Variants in GRID2 observed in about 807,000 individuals in gnomAD.
The protein encoded by GRID2 is glutamate receptor ionotropic, delta-2.
GRID2 carries 33 observed loss-of-function variants against 114.8 expected under a neutral mutation model. The ratio of observed to expected loss-of-function variants is 0.29; its 90% CI spans 0.22 to 0.38. The LOEUF (loss-of-function observed/expected upper bound fraction) is 0.38, where lower values mean the gene tolerates loss of function less well. GRID2 is among the 10% of genes least tolerant of loss of function. The pLI, the probability that GRID2 is intolerant of heterozygous loss-of-function variation, is 1.00. For synonymous variants in GRID2, 505 were observed against 449.9 expected (o/e 1.12, Z -1.55); for missense variants, 1,184 against 1,257.7 (o/e 0.94, Z 0.89).
At chr4:93,160,058 T>G (rs1382840021) in intron 4 of GRID2, among the ~76,000 whole-genome samples, 1 of 151,802 alleles carries the variant, frequency 6.6e-6, no homozygotes, top group Non-Finnish European at 1.5e-5. Context: ...TATCTGTAAC[T>G]CAAAGGATAT....
chr4:92,566,418 G>A (rs1727338890), intron 1 of GRID2, among the ~76,000 whole-genome samples: 4 of 151,912 alleles, frequency 2.6e-5, no homozygotes, highest in Admixed American at 2.6e-4. Context: ...TTTGTTGACA[G>A]CATATCCAAT....
At position 93,572,900 on chromosome 4, in the gene GRID2, T is replaced by C. The variant is rs1736062893; in HGVS notation, c.2194-53369T>C. 1.3e-5 allele frequency among the ~76,000 whole-genome samples: 2 copies of C among 152,126 alleles called. 1 individual carries two copies. Among genetic ancestry groups the C allele is most frequent in the Admixed American group, 1.3e-4 (2 of 15,260 alleles). ...CTCACTTATTTTCTCAGGTCTGTAT[T>C]ATTGTACATATTTTAAAGAAGTGTG... On this transcript the variant is annotated intron_variant, in intron 13 of 15. Coordinates refer to ENST00000282020, the MANE Select transcript of GRID2 (RefSeq NM_001510.4).
chr4:93,110,462 A>G (rs558833168), intron 3 of GRID2, among the ~76,000 whole-genome samples: 11 of 152,256 alleles, frequency 7.2e-5, no homozygotes, highest in African/African-American at 2.6e-4. Flanking sequence ...CTCTCCAACC[A>G]TCTCCGTGCA....
At chr4:93,716,840 C>G (rs1367170294) in intron 14 of GRID2, among the ~76,000 whole-genome samples, 1 of 151,988 alleles carries the variant, frequency 6.6e-6, no homozygotes, top group Non-Finnish European at 1.5e-5. Flanking sequence ...TTAATATACA[C>G]AACAGAACTT....
At chr4:92,320,575 A>G (rs1263438010) in intron 1 of GRID2, among the ~76,000 whole-genome samples, 1 of 151,952 alleles carries the variant, frequency 6.6e-6, no homozygotes, top group Admixed American at 6.6e-5. Context: ...CCCAGGTTCC[A>G]GTGATTCTCT....
intron 2 of GRID2, among the ~76,000 whole-genome samples, chr4:92,972,098 T>A (rs1232659122): frequency 6.6e-6 from 1 of 152,054 alleles, no homozygotes; most frequent in African/African-American, 2.4e-5. Flanking sequence ...TACTTTTAGT[T>A]TTTTTTTCTC....
chr4:92,762,811 G>T (rs1476251219), intron 2 of GRID2, among the ~76,000 whole-genome samples: 1 of 152,112 alleles, frequency 6.6e-6, no homozygotes, highest in African/African-American at 2.4e-5. Flanking sequence ...TGATGTTGTG[G>T]CATCTTTCCC....
intron 4 of GRID2, among the ~76,000 whole-genome samples, chr4:93,157,410 T>G (rs112822653): frequency 0.063 from 9,626 of 151,744 alleles, 862 homozygotes; most frequent in African/African-American, 0.2. Context: ...TTTAAAATAT[T>G]ATTAATTTTA....
intron 2 of GRID2, among the ~76,000 whole-genome samples, chr4:92,866,247 T>G (rs184909282): frequency 6.6e-6 from 1 of 152,278 alleles, no homozygotes; most frequent in Admixed American, 6.5e-5. Context: ...TGGCCTTACT[T>G]GTTGCCTCTC....
At chr4:93,076,710 C>T (rs1021887382) in intron 2 of GRID2, among the ~76,000 whole-genome samples, 15 of 148,664 alleles carry the variant, frequency 1.0e-4, no homozygotes, top group African/African-American at 3.2e-4. Flanking sequence ...CTCAGCCTCC[C>T]GGGTTCAAGC....
At chr4:93,423,336 C>CTTTTTTTTTTTTTT (rs554663844) in intron 10 of GRID2, among the ~76,000 whole-genome samples, 20 of 73,570 alleles carry the variant, frequency 2.7e-4, no homozygotes, top group Non-Finnish European at 3.7e-4. Flanking sequence ...TTTTTTCTTT[C>CTTTTTTTTTTTTTT]TTTTTTTTTT....
intron 13 of GRID2, among the ~76,000 whole-genome samples, chr4:93,578,742 C>T (rs1388814507): frequency 5.9e-5 from 9 of 151,724 alleles, no homozygotes; most frequent in East Asian, 1.9e-4. Context: ...TACAGGCGTC[C>T]GCCACCACGC....
intron 1 of GRID2, among the ~76,000 whole-genome samples, chr4:92,382,259 A>G (rs1161872906): frequency 6.6e-6 from 1 of 152,058 alleles, no homozygotes; most frequent in Non-Finnish European, 1.5e-5. Flanking sequence ...AAATATAGAT[A>G]TAGCTATATC....
Position 93,424,575 on chromosome 4 carries a change from G to C in GRID2, c.1545+1607G>C, listed in dbSNP as rs115404451. 1.0e-3 allele frequency among the ~76,000 whole-genome samples: 153 copies of C among 151,930 alleles called. 1 individual carries two copies. Among genetic ancestry groups the C allele is most frequent in the African/African-American group, 3.6e-3 (150 of 41,454 alleles). On this transcript the variant is annotated intron_variant, in intron 10 of 15. Transcript: ENST00000282020. The stretch of plus-strand genomic sequence containing the variant: ...TCTGTATCCTGATTCTTTATATGTA[G>C]TATATTTTTGTATGTGTTAGTGGCC...
chr4:92,610,768 TA>T (rs1409744402), intron 2 of GRID2, among the ~76,000 whole-genome samples: 1 of 151,714 alleles, frequency 6.6e-6, no homozygotes, highest in Non-Finnish European at 1.5e-5. Flanking sequence ...GAATTGTTTC[TA>T]TAGATTAGCC....
At chr4:93,135,014 G>A (rs1008531657) in intron 4 of GRID2, among the ~76,000 whole-genome samples, 1 of 152,020 alleles carries the variant, frequency 6.6e-6, no homozygotes, top group African/African-American at 2.4e-5. Context: ...TCTAAAGTGG[G>A]GGTTTACTGT....
intron 2 of GRID2, among the ~76,000 whole-genome samples, chr4:92,930,168 C>T (rs1315420705): frequency 6.6e-6 from 1 of 151,180 alleles, no homozygotes; most frequent in Non-Finnish European, 1.5e-5. Context: ...ACAGGAAGGA[C>T]AAAGGTAGGA....
chr4:92,660,661 C>A (rs868137415), intron 2 of GRID2, among the ~76,000 whole-genome samples: 2 of 151,172 alleles, frequency 1.3e-5, no homozygotes, highest in Middle Eastern at 3.4e-3. Flanking sequence ...GACACCTACT[C>A]CTTCATTCCA....
chr4:92,853,964 C>G (rs998253346), intron 2 of GRID2, among the ~76,000 whole-genome samples: 2 of 151,300 alleles, frequency 1.3e-5, no homozygotes, highest in Non-Finnish European at 2.9e-5. Context: ...TGTAACAAAC[C>G]TGCACATGTA....
Sources: allele counts gnomAD v4.1 joint callset (sites outside exome capture counted in the v4.1 genomes callset), GRCh38; gene constraint gnomAD v4.1.1; transcripts MANE v1.5; gene names NCBI Gene and HGNC (gene_info 2026-07-23, HGNC 2026-07-21).